CRACD: variants seen among roughly 807,000 people sequenced by gnomAD.
The protein encoded by CRACD is capping protein inhibiting regulator of actin dynamics.
Under a neutral mutation model 106.8 loss-of-function variants are expected in CRACD, and 56 were observed. The ratio of observed to expected loss-of-function variants is 0.52; its 90% confidence interval spans 0.42 to 0.66. The LOEUF (loss-of-function observed/expected upper bound fraction) is 0.66, where lower values mean the gene tolerates loss of function less well. CRACD is among the 30% of genes least tolerant of loss of function. The pLI, the probability that CRACD is intolerant of heterozygous loss-of-function variation, is 0.00. For synonymous variants in CRACD, 754 were observed against 670.8 expected (o/e 1.12, Z -1.92); for missense variants, 1,730 against 1,623.2 (o/e 1.07, Z -1.13).
At chr4:56,057,974 A>T (rs1732145269) in intron 1 of CRACD, among the ~76,000 whole-genome samples, 1 of 118,210 alleles carries the variant, frequency 8.5e-6, no homozygotes, top group Non-Finnish European at 1.7e-5. Context: ...GCCCGCTACC[A>T]CGCCCAGCTA....
chr4:56,285,239 C>T (rs868196452), intron 3 of CRACD, among the ~76,000 whole-genome samples: 8 of 152,146 alleles, frequency 5.3e-5, no homozygotes, highest in African/African-American at 1.4e-4. Context: ...CCCACCAGGC[C>T]GCCCCTCCAA....
At chr4:56,092,974 G>A (rs1733473497) in intron 1 of CRACD, among the ~76,000 whole-genome samples, 1 of 152,140 alleles carries the variant, frequency 6.6e-6, no homozygotes, top group South Asian at 2.1e-4. Context: ...CTCATACTGT[G>A]TTTCTGTTGG....
At chr4:56,288,060 T>G (rs1036237415) in intron 3 of CRACD, among the ~76,000 whole-genome samples, 2 of 152,190 alleles carry the variant, frequency 1.3e-5, no homozygotes, top group Admixed American at 6.5e-5. Flanking sequence ...GATGGAACCC[T>G]ATGGGCTATT....
At chr4:56,058,048 C>T (rs941071301) in intron 1 of CRACD, among the ~76,000 whole-genome samples, 1 of 150,874 alleles carries the variant, frequency 6.6e-6, no homozygotes, top group Admixed American at 6.6e-5. Context: ...TCTTGAACTC[C>T]TGACATCAAG....
At chr4:56,213,700 C>T (rs866230534) in intron 2 of CRACD, among the ~76,000 whole-genome samples, 1 of 152,212 alleles carries the variant, frequency 6.6e-6, no homozygotes, top group Non-Finnish European at 1.5e-5. Flanking sequence ...GGATTGGTTA[C>T]AGTTTGGCAT....
intron 1 of CRACD, among the ~76,000 whole-genome samples, chr4:56,064,656 C>T (rs1732397413): frequency 6.6e-6 from 1 of 152,146 alleles, no homozygotes; most frequent in East Asian, 1.9e-4. Flanking sequence ...TTATGAATAT[C>T]CTTAGGCTTC....
intron 1 of CRACD, among the ~76,000 whole-genome samples, chr4:56,072,890 A>C (rs529819638): frequency 6.6e-6 from 1 of 152,236 alleles, no homozygotes; most frequent in African/African-American, 2.4e-5. Flanking sequence ...TTTGCTGAGA[A>C]TGATGGTTTC....
At chr4:56,305,380 C>T (rs1034901956) in intron 4 of CRACD, among the ~76,000 whole-genome samples, 11 of 152,220 alleles carry the variant, frequency 7.2e-5, no homozygotes, top group Middle Eastern at 3.4e-3. Flanking sequence ...CTGGGCTGGG[C>T]GGACACAGGA....
chr4:56,317,281 G>C (rs960234024), intron 8 of CRACD, among the ~76,000 whole-genome samples: 13 of 152,192 alleles, frequency 8.5e-5, no homozygotes, highest in African/African-American at 3.1e-4. Context: ...AGTGGAGCTG[G>C]TGTTGGGCAC....
chr4:56,268,860 A>G (rs953648605), intron 2 of CRACD, among the ~76,000 whole-genome samples: 2 of 152,254 alleles, frequency 1.3e-5, no homozygotes, highest in African/African-American at 4.8e-5. Context: ...TAGTTCTTAA[A>G]TATTATTCAT....
chr4:56,093,919 T>A (rs1733508694), intron 1 of CRACD, among the ~76,000 whole-genome samples: 1 of 152,194 alleles, frequency 6.6e-6, no homozygotes, highest in South Asian at 2.1e-4. Context: ...GCTGGCAGTT[T>A]CTGGGCCTCA....
intron 1 of CRACD, among the ~76,000 whole-genome samples, chr4:56,079,175 C>G (rs1054467432): frequency 2.6e-5 from 4 of 152,154 alleles, no homozygotes; most frequent in Non-Finnish European, 4.4e-5. Context: ...TCCCAGACAC[C>G]AGGCTTGGAC....
In CRACD at chr4:56,241,964, C is replaced by T. The variant is rs181077120; in HGVS notation, c.-188-30357C>T. Among the ~76,000 whole-genome samples the T allele has an allele frequency of 2.7e-3, 417 of 152,264 alleles. 7 individuals carry two copies. Among genetic ancestry groups the T allele is most frequent in the Middle Eastern group, 3.4e-3 (1 of 294 alleles). ...AGTAAGTTTTGTTCCCTAAAAATAT[C>T]TCAGAATAAAGAGAGGCCTTATAGA... On this transcript the variant is annotated intron_variant, in intron 2 of 10. Transcript: ENST00000682029.
At chr4:56,299,990 T>C (rs943326074) in intron 4 of CRACD, among the ~76,000 whole-genome samples, 129 of 151,846 alleles carry the variant, frequency 8.5e-4, no homozygotes, top group African/African-American at 3.1e-3. Context: ...TACAAAAAAT[T>C]AGCTGGGCGT....
chr4:56,106,736 A>G (rs1531585), intron 1 of CRACD, among the ~76,000 whole-genome samples: 23,205 of 152,116 alleles, frequency 0.15, 1,834 homozygotes, highest in East Asian at 0.25. Flanking sequence ...TCTCATTTGG[A>G]TTGTACAAGA....
At chr4:56,062,762 T>C (rs185792395) in intron 1 of CRACD, among the ~76,000 whole-genome samples, 2 of 152,338 alleles carry the variant, frequency 1.3e-5, no homozygotes, top group Admixed American at 1.3e-4. Context: ...ATTATTTAAT[T>C]CATCTTCTCC....
Position 56,324,196 on chromosome 4 carries a change from G to A in CRACD, c.3471G>A (p.Glu1157=), listed in dbSNP as rs780997564. ...STALPEEKRP[E]TAVSRLERRE... Reference sequence around the variant, plus strand: ...CTCTGCCAGAAGAGAAGAGGCCCGAGACTGCAGTGTCCAGGCTTGAGCGCA... The same window carrying A: ...CTCTGCCAGAAGAGAAGAGGCCCGAAACTGCAGTGTCCAGGCTTGAGCGCA... Residue 1157 remains glutamate, a synonymous_variant, in exon 10 of 11, where the codon GAG becomes GAA. Coordinates refer to ENST00000682029, the MANE Select transcript of CRACD (RefSeq NM_001393381.1). 5.1e-5 allele frequency: 83 copies of A among 1,614,230 alleles called. No individual in the cohort carries two copies. In the Middle Eastern group the frequency reaches 1.2e-3, roughly 22 times the overall value.
chr4:56,098,899 T>C (rs1218719205), intron 1 of CRACD, among the ~76,000 whole-genome samples: 1 of 152,210 alleles, frequency 6.6e-6, no homozygotes, highest in East Asian at 1.9e-4. Context: ...GGTCTTGAAC[T>C]CCTGACCTCA....
intron 2 of CRACD, among the ~76,000 whole-genome samples, chr4:56,253,317 A>G (rs1274643104): frequency 6.6e-6 from 1 of 152,240 alleles, no homozygotes; most frequent in Non-Finnish European, 1.5e-5. Flanking sequence ...TGATAACGTT[A>G]TAAGTTTTAT....
Sources: allele counts gnomAD v4.1 joint callset (sites outside exome capture counted in the v4.1 genomes callset), GRCh38; gene constraint gnomAD v4.1.1; transcripts MANE v1.5; gene names NCBI Gene and HGNC (gene_info 2026-07-23, HGNC 2026-07-21).